C10orf67: variants seen among roughly 807,000 people sequenced by gnomAD.
The protein encoded by C10orf67 is uncharacterized protein C10orf67, mitochondrial.
C10orf67 carries 60 observed loss-of-function variants against 35.6 expected under a neutral mutation model. The observed-to-expected ratio is 1.68, with a 90% CI of 1.37 to 2.09. The LOEUF (loss-of-function observed/expected upper bound fraction) is 2.09, where lower values mean the gene tolerates loss of function less well. Among genes scored for constraint, C10orf67 ranks in the 30% most tolerant of loss-of-function variants. The probability of loss-of-function intolerance (pLI) is 0.00; values close to 1 mark genes in which losing one functional copy is unlikely to be tolerated. For missense variants in C10orf67, 474 were observed against 330.2 expected (o/e 1.44, Z -3.38); for synonymous variants, 167 against 115.8 (o/e 1.44, Z -2.84).
intron 2 of C10orf67, among the ~76,000 whole-genome samples, chr10:23,331,053 G>A (rs1202652903): frequency 7.9e-6 from 1 of 126,472 alleles, no homozygotes; most frequent in East Asian, 2.5e-4. Flanking sequence ...AAAGAGGGGA[G>A]GGGAGAGAAA....
chr10:23,216,384 A>T lies in C10orf67; in HGVS notation c.1570+7214T>A, dbSNP rs77570042. 1.4e-4 allele frequency among the ~76,000 whole-genome samples: 22 copies of T among 152,322 alleles called. No individual in the cohort carries two copies. In the East Asian group the frequency reaches 4.0e-3, roughly 28 times the overall value. On this transcript the variant is annotated intron_variant, in intron 15 of 15. Coordinates refer to ENST00000636213, the MANE Select transcript of C10orf67 (RefSeq NM_001371909.1). ...CAAGTGTTAGTAGGAAAATGGAACA[A>T]TACAAACTCATAACCTACTGATATG...
chr10:23,228,420 C>A (rs1165279245), intron 13 of C10orf67, among the ~76,000 whole-genome samples: 2 of 152,100 alleles, frequency 1.3e-5, no homozygotes, highest in Non-Finnish European at 2.9e-5. Context: ...CCTTCCTTAA[C>A]CTTATACAAA....
rs1460815696 is a variant in C10orf67, at chr10:23,223,786, C to T, written c.1467G>A (p.Thr489=). 4 of 715,314 alleles carry T rather than the reference C, an allele frequency of 5.6e-6. No homozygotes were observed. The highest frequency in any genetic ancestry group is 2.0e-5 in the Admixed American group (1 of 50,012). The allele number at this position is 715,314 out of a possible 1,614,324, so 44.3% of individuals were successfully genotyped here. A position where few individuals can be genotyped will look rare whatever the true frequency, so the allele number is the denominator to read the frequency against. The stretch of plus-strand genomic sequence containing the variant: ...TTGAAGAGGATATAGCTGTCATGGT[C>T]GTTCTAGACTGCACTAATAAGGGTT... ...KVKPLLVQSR[T]TMTAISSSSH... The change falls in exon 14 of 16, where the codon ACG becomes ACA. Residue 489 remains threonine, a synonymous_variant. Transcript: ENST00000636213.
intron 8 of C10orf67, among the ~76,000 whole-genome samples, chr10:23,270,854 G>A (rs1317813189): frequency 6.6e-6 from 1 of 152,116 alleles, no homozygotes; most frequent in Non-Finnish European, 1.5e-5. Flanking sequence ...GTGGAACCCT[G>A]ATCCAGCTCT....
chr10:23,328,993 C>CAAAAAAAAAAAAAAAAAAAGGAAAA (rs1845312488), intron 2 of C10orf67, among the ~76,000 whole-genome samples: 1 of 78,732 alleles, frequency 1.3e-5, no homozygotes, highest in Non-Finnish European at 2.5e-5. Flanking sequence ...CATAAACGAA[C>CAAAAAAAAAAAAAAAAAAAGGAAAA]AAAAAAAAAA....
At chr10:23,276,102 G>A (rs1023485972) in intron 8 of C10orf67, among the ~76,000 whole-genome samples, 3 of 152,148 alleles carry the variant, frequency 2.0e-5, no homozygotes, top group Admixed American at 2.0e-4. Flanking sequence ...TCAGGATGTA[G>A]GGCTTTCAGT....
rs116691490 is a variant in C10orf67 at position 23,333,249 on chromosome 10, G to A, written c.207-67C>T. 3.4e-4 allele frequency: 470 copies of A among 1,391,624 alleles called. 2 individuals carry two copies. The African/African-American group carries it at 3.6e-3, about 11-fold the overall frequency. 86.2% of individuals were successfully genotyped at this position (1,391,624 alleles called of 1,614,324 possible). A position where few individuals can be genotyped will look rare whatever the true frequency, so the allele number is the denominator to read the frequency against. On this transcript the variant is annotated intron_variant, in intron 1 of 15. Coordinates refer to ENST00000636213, the MANE Select transcript of C10orf67 (RefSeq NM_001371909.1). ...TTTTCTTAGAAATAGATGTTAATGC[G>A]TCTTTTTTTGTGTAAATCATATCGT...
chr10:23,305,645 A>G (rs1844247058), intron 4 of C10orf67, among the ~76,000 whole-genome samples: 2 of 152,242 alleles, frequency 1.3e-5, no homozygotes, highest in Non-Finnish European at 2.9e-5. Flanking sequence ...ATGAGCTATT[A>G]GAATGAGTAT....
At chr10:23,323,509 A>G (rs1845040676) in intron 2 of C10orf67, among the ~76,000 whole-genome samples, 1 of 152,068 alleles carries the variant, frequency 6.6e-6, no homozygotes, top group Non-Finnish European at 1.5e-5. Flanking sequence ...TTTATTCTCT[A>G]TGTAATCTTC....
intron 13 of C10orf67, among the ~76,000 whole-genome samples, chr10:23,227,601 G>C (rs1028652562): frequency 3.9e-5 from 6 of 152,114 alleles, no homozygotes; most frequent in African/African-American, 1.4e-4. Context: ...AATCAGGCAG[G>C]AGAAAGAAAT....
chr10:23,257,185 A>G (rs1033604412), intron 10 of C10orf67, among the ~76,000 whole-genome samples: 10 of 152,190 alleles, frequency 6.6e-5, no homozygotes, highest in Admixed American at 2.0e-4. Context: ...ACTCCTGCCC[A>G]AGACCAACTT....
At chr10:23,297,247 CTT>C (rs1843912397) in intron 5 of C10orf67, among the ~76,000 whole-genome samples, 1 of 151,354 alleles carries the variant, frequency 6.6e-6, no homozygotes, top group African/African-American at 2.4e-5. Context: ...CTTTCCTTTC[CTT>C]TCCTTTCCTT....
rs552404665 is a variant in C10orf67 at position 23,289,890 on chromosome 10, G to A, written c.909+10C>T. The stretch of plus-strand genomic sequence containing the variant: ...AAAGAGTCATTTATCAACGTAAAAC[G>A]TTATAGTACCTTTTGAATAGTTTTG... On this transcript the variant is annotated intron_variant, in intron 7 of 15. Coordinates refer to ENST00000636213, the MANE Select transcript of C10orf67 (RefSeq NM_001371909.1). 1.0e-4 allele frequency: 74 copies of A among 716,034 alleles called. No homozygotes were observed. The East Asian group carries it at 1.6e-3, about 16-fold the overall frequency. 44.4% of individuals were successfully genotyped at this position (716,034 alleles called of 1,614,324 possible).
intron 2 of C10orf67, among the ~76,000 whole-genome samples, chr10:23,327,100 A>G (rs1461252599): frequency 6.6e-6 from 1 of 152,154 alleles, no homozygotes; most frequent in Non-Finnish European, 1.5e-5. Context: ...GAGATTAATC[A>G]TTAAAAGAAT....
chr10:23,253,300 A>G (rs1327423690), intron 10 of C10orf67, among the ~76,000 whole-genome samples: 1 of 152,198 alleles, frequency 6.6e-6, no homozygotes, highest in Non-Finnish European at 1.5e-5. Context: ...GCCATTCATC[A>G]AAAAAGTGGG....
chr10:23,250,737 A>G (rs1842426040), intron 10 of C10orf67, 46 bp from the exon 11 acceptor site: 1 of 398,040 alleles, frequency 2.5e-6, no homozygotes, highest in African/African-American at 2.1e-5. Flanking sequence ...CAAACAATAT[A>G]TCTTGTTTCT....
chr10:23,239,595 T>A (rs1270605542), intron 13 of C10orf67, 134 bp downstream of exon 13: 1 of 470,382 alleles, frequency 2.1e-6, no homozygotes, highest in Admixed American at 3.2e-5. Flanking sequence ...ACCCTCAGCA[T>A]CTAGCAGTGA....
At chr10:23,229,745 A>T (rs1413597830) in intron 13 of C10orf67, among the ~76,000 whole-genome samples, 1 of 152,156 alleles carries the variant, frequency 6.6e-6, no homozygotes, top group Non-Finnish European at 1.5e-5. Context: ...TAAGTATAAT[A>T]GCATAAAAAT....
intron 13 of C10orf67, among the ~76,000 whole-genome samples, chr10:23,231,744 A>C (rs369470563): frequency 6.6e-6 from 1 of 152,188 alleles, no homozygotes; most frequent in Non-Finnish European, 1.5e-5. Context: ...AAAAGTGAGA[A>C]CCAACCTAAG....
Sources: gnomAD v4.1 joint callset for allele counts (sites outside exome capture counted in the v4.1 genomes callset) on GRCh38, gnomAD v4.1.1 for gene constraint, MANE v1.5 for transcripts, NCBI Gene and HGNC (gene_info 2026-07-23, HGNC 2026-07-21) for gene names.